Variants in RCOR3 observed in about 807,000 individuals in gnomAD.
RCOR3 encodes REST corepressor 3.
RCOR3 carries 13 observed loss-of-function variants against 64.1 expected under a neutral mutation model. The observed-to-expected ratio is 0.20, with a 90% confidence interval of 0.13 to 0.32. The LOEUF (loss-of-function observed/expected upper bound fraction) is 0.32. RCOR3 is among the 10% of genes least tolerant of loss of function. The pLI, the probability that RCOR3 is intolerant of heterozygous loss-of-function variation, is 1.00. For missense variants in RCOR3, 489 were observed against 701.2 expected (o/e 0.70, Z 3.42); for synonymous variants, 215 against 239.0 (o/e 0.90, Z 0.93).
At chr1:211,278,289 G>A (rs1052462973) in intron 6 of RCOR3, 48 bp downstream of exon 6, 2 of 1,585,722 alleles carry the variant, frequency 1.3e-6, no homozygotes, top group Non-Finnish European at 1.7e-6. Context: ...ACACTGCATT[G>A]TATTGCTTAC....
chr1:211,269,101 C>T (rs1160564149), intron 2 of RCOR3, among the ~76,000 whole-genome samples: 1 of 152,076 alleles, frequency 6.6e-6, no homozygotes, highest in Non-Finnish European at 1.5e-5. Context: ...AGTTTAACCT[C>T]GGAATTATTT....
intron 8 of RCOR3, among the ~76,000 whole-genome samples, chr1:211,289,891 C>T (rs982520367): frequency 6.6e-6 from 1 of 152,148 alleles, no homozygotes; most frequent in African/African-American, 2.4e-5. Flanking sequence ...CTGTTAAGTT[C>T]TAACCCTGGC....
chr1:211,281,083 T>G (rs1351055157), intron 7 of RCOR3, among the ~76,000 whole-genome samples: 2 of 152,000 alleles, frequency 1.3e-5, no homozygotes, highest in African/African-American at 4.8e-5. Context: ...GTCAGGCAGC[T>G]TCTGTCCCAC....
rs775668517 is a variant in RCOR3, at chr1:211,279,265, A to G, written c.669A>G (p.Pro223=). The part of the protein sequence containing the change: ...DSDDDVEETH[P]MDGNDSDYDP... Reference sequence around the variant, plus strand: ...ATGATGATGTAGAAGAAACACATCCAATGGATGGGAATGATAGTGATTATG... The same window carrying G: ...ATGATGATGTAGAAGAAACACATCCGATGGATGGGAATGATAGTGATTATG... The change falls in exon 7 of 12, where the codon CCA becomes CCG. Residue 223 remains proline (P), a synonymous_variant. Coordinates refer to ENST00000419091, the MANE Select transcript of RCOR3 (RefSeq NM_001136223.3). 11 of 1,612,280 alleles carry G rather than the reference A, an allele frequency of 6.8e-6. No individual in the cohort carries two copies. The highest frequency in any genetic ancestry group is 3.3e-5 in the Admixed American group (2 of 59,850).
At chr1:211,260,729 C>T (rs1054162126) in intron 2 of RCOR3, among the ~76,000 whole-genome samples, 7 of 151,832 alleles carry the variant, frequency 4.6e-5, no homozygotes, top group Non-Finnish European at 1.0e-4. Flanking sequence ...AGTGCAGGAG[C>T]CGCGGAGAGA....
Position 211,312,129 on chromosome 1 carries a change from G to A in RCOR3, c.1076-591G>A. Reference sequence around the variant, plus strand: ...CTCTTTTTTCAAAATCCACCAACTTGTGATGATTCTCCTGCTTTTCATGTT... The same window carrying A: ...CTCTTTTTTCAAAATCCACCAACTTATGATGATTCTCCTGCTTTTCATGTT... On this transcript the variant is annotated intron_variant, in intron 10 of 11. Transcript: ENST00000419091. The surrounding 1 kb of genome is among the most constrained non-coding windows in gnomAD (Gnocchi z 5.0). The A allele has an allele frequency of 9.8e-6, 2 of 204,596 alleles. No individual in the cohort carries two copies. Among genetic ancestry groups the A allele is most frequent in the South Asian group, 1.4e-4 (2 of 14,114 alleles). The allele number at this position is 204,596 out of a possible 1,614,324, so 12.7% of individuals were successfully genotyped here.
chr1:211,308,312 T>C (rs1425277206), intron 10 of RCOR3, among the ~76,000 whole-genome samples: 1 of 152,220 alleles, frequency 6.6e-6, no homozygotes, highest in East Asian at 1.9e-4. Context: ...TTTTGACTTT[T>C]AGCCCCTTCC....
chr1:211,266,772 C>T (rs1695267720), intron 2 of RCOR3, among the ~76,000 whole-genome samples: 1 of 152,056 alleles, frequency 6.6e-6, no homozygotes, highest in Non-Finnish European at 1.5e-5. Context: ...CTGACTTTTA[C>T]AATGAAAAAG....
At position 211,276,364 on chromosome 1, in the gene RCOR3, A is replaced by G. The variant is rs780713901; in HGVS notation, c.462A>G (p.Leu154=). The stretch of plus-strand genomic sequence containing the variant: ...AGTGGACAGTGGAAGATAAAGTCCT[A>G]TTTGAACAAGCCTTTAGTTTTCATG... ...PDEWTVEDKV[L]FEQAFSFHGK... The change falls in exon 5 of 12, where the codon CTA becomes CTG. Residue 154 remains leucine (L), a synonymous_variant. Transcript: ENST00000419091. 10 of 1,613,822 alleles carry G rather than the reference A, an allele frequency of 6.2e-6. No homozygotes were observed. Among genetic ancestry groups the G allele is most frequent in the Admixed American group, 3.3e-5 (2 of 59,992 alleles).
At chr1:211,284,595 C>T (rs1698279080) in intron 7 of RCOR3, among the ~76,000 whole-genome samples, 2 of 152,152 alleles carry the variant, frequency 1.3e-5, no homozygotes, top group African/African-American at 2.4e-5. Flanking sequence ...ACAATCATAG[C>T]TCACTTCTGG....
At chr1:211,294,747 G>A (rs887079305) in intron 8 of RCOR3, among the ~76,000 whole-genome samples, 4 of 151,964 alleles carry the variant, frequency 2.6e-5, no homozygotes, top group Middle Eastern at 3.4e-3. Context: ...CCGCCACCAC[G>A]CCCGGCTAAT....
chr1:211,312,984 A>G lies in RCOR3; in HGVS notation c.1317+23A>G, dbSNP rs564494754. The G allele has an allele frequency of 4.6e-4, 744 of 1,614,004 alleles. 17 individuals carry two copies. In the South Asian group the frequency reaches 7.4e-3, roughly 16 times the overall value. ...GAGGTGTGTTTGTGTATGGAATTTG[A>G]GCTAATATGAGTTGAGGAATCACCA... On this transcript the variant is annotated intron_variant, in intron 11 of 11. Transcript: ENST00000419091. The surrounding 1 kb of genome is among the most constrained non-coding windows in gnomAD (Gnocchi z 5.0).
rs534436340 is a variant in RCOR3 at position 211,270,317 on chromosome 1, C to T, written c.224-915C>T. On this transcript the variant is annotated intron_variant, in intron 2 of 11. Coordinates refer to ENST00000419091, the MANE Select transcript of RCOR3 (RefSeq NM_001136223.3). ...ACCTCAGGTGATCCGCCTGCCTTAG[C>T]CTCCCAAAGTGCTGGGATTACAGGC... is the stretch of plus-strand genomic sequence containing the variant. Among the ~76,000 whole-genome samples the T allele has an allele frequency of 2.0e-5, 3 of 152,218 alleles. No homozygotes were observed. In the South Asian group the frequency reaches 6.2e-4, roughly 32 times the overall value.
Position 211,261,923 on chromosome 1 carries a change from C to CAAAA in RCOR3, c.223+1774_223+1777dup, listed in dbSNP as rs1158597755. Among the ~76,000 whole-genome samples the CAAAA allele has an allele frequency of 1.2e-3, 40 of 34,122 alleles. 6 individuals are homozygous for CAAAA. The highest frequency in any genetic ancestry group is 1.8e-3 in the Non-Finnish European group (37 of 20,828). 22.4% of individuals were successfully genotyped at this position (34,122 alleles called of 152,430 possible). A position where few individuals can be genotyped will look rare whatever the true frequency, so the allele number is the denominator to read the frequency against. On this transcript the variant is annotated intron_variant, in intron 2 of 11. Transcript: ENST00000419091. Reference sequence around the variant, plus strand: ...TGGGCAACAGAGTGAGACTCCATCTCAAAAAAAAAAAAAAAAAACTGAATT... The same window carrying CAAAA: ...TGGGCAACAGAGTGAGACTCCATCTCAAAAAAAAAAAAAAAAAAAAAACTGAATT...
At chr1:211,268,831 CTCTTT>C (rs1365108679) in intron 2 of RCOR3, among the ~76,000 whole-genome samples, 87 of 151,930 alleles carry the variant, frequency 5.7e-4, no homozygotes, top group African/African-American at 2.0e-3. Flanking sequence ...TCTTTCAGTT[CTCTTT>C]TCTTCTTAAT....
intron 2 of RCOR3, among the ~76,000 whole-genome samples, 153 bp from the exon 3 acceptor site, chr1:211,271,079 G>T (rs968102694): frequency 6.6e-6 from 1 of 152,076 alleles, no homozygotes; most frequent in Non-Finnish European, 1.5e-5. Context: ...GGATGGTCTC[G>T]ATCTCCTGAC....
At chr1:211,284,636 GCCT>G (rs1284809658) in intron 7 of RCOR3, among the ~76,000 whole-genome samples, 1 of 151,962 alleles carries the variant, frequency 6.6e-6, no homozygotes, top group Non-Finnish European at 1.5e-5. Flanking sequence ...CCATCCTCTT[GCCT>G]CCTAAGTAGC....
At chr1:211,289,133 T>C in intron 7 of RCOR3, 45 bp from the exon 8 acceptor site, 1 of 1,427,930 alleles carries the variant, frequency 7.0e-7, no homozygotes. Flanking sequence ...ACTTTATACA[T>C]TTGTGAAAAC....
intron 9 of RCOR3, chr1:211,301,514 C>T (rs2102632457): frequency 6.6e-6 from 1 of 152,218 alleles, no homozygotes; most frequent in South Asian, 2.1e-4. Context: ...AGTGGATGGC[C>T]CTTATCGTAT....
Sources: gnomAD v4.1 joint callset for allele counts (sites outside exome capture counted in the v4.1 genomes callset) on GRCh38, gnomAD v4.1.1 for gene constraint, Gnocchi (gnomAD v3.1) non-coding constraint, MANE v1.5 for transcripts, NCBI Gene and HGNC (gene_info 2026-07-23, HGNC 2026-07-21) for gene names.